The following EML5 variants were observed in gnomAD, a reference collection of about 807,000 sequenced individuals.
The protein encoded by EML5 is EMAP like 5.
Under a neutral mutation model 250.0 loss-of-function variants are expected in EML5, and 120 were observed. The ratio of observed to expected loss-of-function variants is 0.48; its 90% CI spans 0.41 to 0.56. EML5 has a LOEUF of 0.56. EML5 is among the 20% of genes least tolerant of loss of function. The pLI is 0.00. For synonymous variants in EML5, 771 were observed against 806.5 expected, an observed-to-expected ratio of 0.96 and a Z score of 0.75; for missense variants, 2,006 against 2,437.6, an observed-to-expected ratio of 0.82 and a Z score of 3.73.
intron 1 of EML5, among the ~76,000 whole-genome samples, chr14:88,790,140 T>C (rs1163146991): frequency 2.6e-5 from 4 of 152,232 alleles, no homozygotes; most frequent in Non-Finnish European, 5.9e-5. Context: ...CTGTCATTAC[T>C]ATTTGAAATA....
chr14:88,771,072 C>T (rs1410809957), intron 1 of EML5, among the ~76,000 whole-genome samples: 2 of 152,186 alleles, frequency 1.3e-5, no homozygotes, highest in African/African-American at 2.4e-5. Flanking sequence ...GAGCTATCAT[C>T]TTCCTCATAA....
chr14:88,792,678 G>T lies in EML5; in HGVS notation c.-175C>A. 1 of 1,139,088 alleles carries T rather than the reference G, an allele frequency of 8.8e-7. No individual in the cohort carries two copies. The highest frequency in any genetic ancestry group is 1.1e-6 in the Non-Finnish European group (1 of 929,674). The allele number at this position is 1,139,088 out of a possible 1,614,324, so 70.6% of individuals were successfully genotyped here. On this transcript the variant is annotated 5_prime_UTR_variant, in exon 1 of 44. In the 5' UTR this introduces an upstream ATG that the reference lacks. Transcript: ENST00000554922. The surrounding 1 kb of genome is among the most constrained non-coding windows in gnomAD (Gnocchi z 6.9). ...GGGGCCGCCGCCGCCTCAGCCCACA[G>T]GCGGGAGGAAAACCCTCGCCTCGCG...
At chr14:88,720,663 A>C (rs1240414015) in intron 8 of EML5, among the ~76,000 whole-genome samples, 1 of 152,236 alleles carries the variant, frequency 6.6e-6, no homozygotes, top group African/African-American at 2.4e-5. Context: ...ACCCACAGCC[A>C]ATATCATACT....
chr14:88,746,247 C>CT lies in EML5; in HGVS notation c.393dup (p.Val132SerfsTer21). The stretch of plus-strand genomic sequence containing the variant: ...CCCCTTTTCCAGTCCCAAACACAAA[C>CT]TGCATTCTTTGAATCAAGTCCAACT... On this transcript the variant is annotated frameshift_variant, in exon 3 of 44. Coordinates refer to ENST00000554922, the MANE Select transcript of EML5 (RefSeq NM_183387.3). LOFTEE classifies it high-confidence loss of function. 2 of 1,613,414 alleles carry CT rather than the reference C, an allele frequency of 1.2e-6. No homozygotes were observed. Among genetic ancestry groups the CT allele is most frequent in the Non-Finnish European group, 1.7e-6 (2 of 1,179,572 alleles).
chr14:88,714,518 A>G (rs1179834013), intron 9 of EML5, among the ~76,000 whole-genome samples: 2 of 152,154 alleles, frequency 1.3e-5, no homozygotes, highest in African/African-American at 4.8e-5. Context: ...GATATACCTG[A>G]AATTTGCTAA....
chr14:88,650,846 T>A (rs2091585539), intron 27 of EML5, among the ~76,000 whole-genome samples: 1 of 152,136 alleles, frequency 6.6e-6, no homozygotes, highest in Admixed American at 6.6e-5. Context: ...CTTGCTGTGT[T>A]ACCCAGGCTG....
chr14:88,754,347 A>G (rs1041191578), intron 2 of EML5, among the ~76,000 whole-genome samples, 165 bp downstream of exon 2: 2 of 152,208 alleles, frequency 1.3e-5, no homozygotes, highest in East Asian at 3.9e-4. Context: ...ATGATGAAAT[A>G]AAAACCCCAT....
intron 20 of EML5, among the ~76,000 whole-genome samples, chr14:88,684,327 C>T (rs1379829709): frequency 1.3e-4 from 1 of 7,470 alleles, no homozygotes; most frequent in Admixed American, 1.5e-3. Flanking sequence ...CCCGCCACTA[C>T]GCCCGGCTAA....
Position 88,710,300 on chromosome 14 carries a change from T to G in EML5, c.1657+1971A>C, listed in dbSNP as rs1372235140. On this transcript the variant is annotated intron_variant, in intron 10 of 43. Coordinates refer to ENST00000554922, the MANE Select transcript of EML5 (RefSeq NM_183387.3). ...TGATCATTCTCTCTTTGAGCTAACT[T>G]CGTATATTTTTTGTTTCAATTACAA... Among the ~76,000 whole-genome samples the G allele has an allele frequency of 3.9e-5, 6 of 152,348 alleles. No homozygotes were observed. The East Asian group carries it at 9.6e-4, about 24-fold the overall frequency.
At chr14:88,783,290 C>G (rs1204962899) in intron 1 of EML5, among the ~76,000 whole-genome samples, 1 of 152,138 alleles carries the variant, frequency 6.6e-6, no homozygotes, top group East Asian at 1.9e-4. Flanking sequence ...TGTGAAAAGA[C>G]AGCCACAGTC....
intron 33 of EML5, among the ~76,000 whole-genome samples, chr14:88,633,953 T>C (rs374297855): frequency 3.3e-5 from 5 of 152,250 alleles, no homozygotes; most frequent in African/African-American, 9.6e-5. Context: ...TTCAGAATCA[T>C]GACATTAAAA....
In EML5 at chr14:88,663,135, T is replaced by A. The variant is rs1225329769; in HGVS notation, c.3410-16A>T. 1.4e-5 allele frequency: 21 copies of A among 1,505,546 alleles called. No homozygotes were observed. Among genetic ancestry groups the A allele is most frequent in the Middle Eastern group, 3.6e-4 (2 of 5,508 alleles). 93.3% of individuals were successfully genotyped at this position (1,505,546 alleles called of 1,614,324 possible). On this transcript the variant is annotated splice_polypyrimidine_tract_variant and intron_variant, in intron 23 of 43. Coordinates refer to ENST00000554922, the MANE Select transcript of EML5 (RefSeq NM_183387.3). The stretch of plus-strand genomic sequence containing the variant: ...AAAAGCTTTCCTTCAAAAAAATTTT[T>A]AAAAATATTTACACATATAAAATAC...
At chr14:88,780,407 G>A (rs2094486232) in intron 1 of EML5, among the ~76,000 whole-genome samples, 1 of 152,030 alleles carries the variant, frequency 6.6e-6, no homozygotes, top group African/African-American at 2.4e-5. Flanking sequence ...TATAATAAAT[G>A]TATCTCTCTC....
At chr14:88,678,967 G>C (rs573682874) in intron 21 of EML5, among the ~76,000 whole-genome samples, 1 of 151,882 alleles carries the variant, frequency 6.6e-6, no homozygotes, top group African/African-American at 2.4e-5. Context: ...GAAAGTTCTT[G>C]GGAATAATCC....
intron 10 of EML5, among the ~76,000 whole-genome samples, chr14:88,711,010 A>G (rs748006854): frequency 1.3e-5 from 2 of 152,172 alleles, no homozygotes; most frequent in Non-Finnish European, 2.9e-5. Flanking sequence ...GTTTTTGCAT[A>G]GAGGTCAGTA....
At position 88,688,415 on chromosome 14, in the gene EML5, CATT is replaced by C. The variant is rs1449271766; in HGVS notation, c.2595_2597del (p.Met867del). 2.5e-6 allele frequency: 4 copies of C among 1,614,002 alleles called. No individual in the cohort carries two copies. Among genetic ancestry groups the C allele is most frequent in the Non-Finnish European group, 2.5e-6 (3 of 1,179,886 alleles). On this transcript the variant is annotated inframe_deletion, in exon 18 of 44. Transcript: ENST00000554922. Reference sequence around the variant, plus strand: ...CAGTCCATCCATACACTGCACACATCATTGTGTCATTTTTCCCCAGTGTGCCTA... The same window carrying C: ...CAGTCCATCCATACACTGCACACATCGTGTCATTTTTCCCCAGTGTGCCTA...
chr14:88,616,280 G>A (rs770854021), intron 42 of EML5, 38 bp from the exon 43 acceptor site: 4 of 1,584,450 alleles, frequency 2.5e-6, no homozygotes, highest in Admixed American at 1.7e-5. Flanking sequence ...GGCATTTGGT[G>A]CACACAGAAG....
intron 21 of EML5, among the ~76,000 whole-genome samples, chr14:88,665,768 C>T (rs1299284285): frequency 1.3e-5 from 2 of 152,030 alleles, no homozygotes; most frequent in African/African-American, 4.8e-5. Context: ...AATAGACAGG[C>T]ATGGTGGCAC....
chr14:88,678,061 A>G (rs984177900), intron 21 of EML5, among the ~76,000 whole-genome samples: 1 of 152,188 alleles, frequency 6.6e-6, no homozygotes, highest in Non-Finnish European at 1.5e-5. Context: ...TCGATATTAG[A>G]CTGGATAAAG....
Sources: allele counts gnomAD v4.1 joint callset (sites outside exome capture counted in the v4.1 genomes callset), GRCh38; gene constraint gnomAD v4.1.1; non-coding constraint Gnocchi (gnomAD v3.1); transcripts MANE v1.5; gene names NCBI Gene and HGNC (gene_info 2026-07-23, HGNC 2026-07-21).